EPHA3: variants seen among roughly 807,000 people sequenced by gnomAD.
EPHA3 encodes ephrin type-A receptor 3.
In EPHA3, 42 loss-of-function variants were observed where a neutral mutation model predicts 107.1. The ratio of observed to expected loss-of-function variants is 0.39; its 90% CI spans 0.31 to 0.51. EPHA3 has a LOEUF of 0.51. EPHA3 is among the 20% of genes least tolerant of loss of function. The pLI is 0.78. For missense variants in EPHA3, 1,183 were observed against 1,211.2 expected, an observed-to-expected ratio of 0.98 and a Z score of 0.35; for synonymous variants, 461 against 424.8, an observed-to-expected ratio of 1.09 and a Z score of -1.05.
chr3:89,175,404 C>G (rs1353691678), intron 2 of EPHA3, among the ~76,000 whole-genome samples: 2 of 152,076 alleles, frequency 1.3e-5, no homozygotes, highest in African/African-American at 4.8e-5. Flanking sequence ...TAACTTTCAA[C>G]TATTCATTTA....
chr3:89,251,383 A>C (rs1705164274), intron 3 of EPHA3, among the ~76,000 whole-genome samples: 1 of 152,228 alleles, frequency 6.6e-6, no homozygotes, highest in Admixed American at 6.5e-5. Context: ...AAAGTGATAA[A>C]TGTATCAATC....
At chr3:89,128,803 C>T (rs1173566428) in intron 2 of EPHA3, among the ~76,000 whole-genome samples, 1 of 151,778 alleles carries the variant, frequency 6.6e-6, no homozygotes, top group African/African-American at 2.4e-5. Context: ...CAGCAACAGT[C>T]TGGCTTATGT....
At chr3:89,208,460 A>AAGAAAGAAAGAAAGAAAGAAAGAAAG (rs1559600853) in intron 2 of EPHA3, among the ~76,000 whole-genome samples, 3 of 104,998 alleles carry the variant, frequency 2.9e-5, no homozygotes, top group Admixed American at 8.6e-5. Flanking sequence ...GAAAGAAAGA[A>AAGAAAGAAAGAAAGAAAGAAAGAAAG]AGAAAGAAAG....
chr3:89,133,014 G>A (rs917282564), intron 2 of EPHA3, among the ~76,000 whole-genome samples: 1 of 152,152 alleles, frequency 6.6e-6, no homozygotes, highest in Non-Finnish European at 1.5e-5. Flanking sequence ...ATATTTCTAT[G>A]CATCTAAGAA....
rs150652547 is a variant in EPHA3 at position 89,163,285 on chromosome 3, A to G, written c.153+36012A>G. On this transcript the variant is annotated intron_variant, in intron 2 of 16. Coordinates refer to ENST00000336596, the MANE Select transcript of EPHA3 (RefSeq NM_005233.6). ...CCTAGTACATAGTGAGCATTTAGCA[A>G]TGATGACTTATTTTTAATGAGTAAT... Among the ~76,000 whole-genome samples the G allele has an allele frequency of 3.4e-3, 512 of 152,258 alleles. 2 individuals carry two copies. The highest frequency in any genetic ancestry group is 4.6e-3 in the Non-Finnish European group (311 of 68,024).
intron 3 of EPHA3, among the ~76,000 whole-genome samples, chr3:89,316,047 G>T (rs557493488): frequency 6.6e-6 from 1 of 151,694 alleles, no homozygotes; most frequent in East Asian, 1.9e-4. Flanking sequence ...AATGTAAAAG[G>T]CACTCCTTGA....
At chr3:89,144,456 T>A (rs1417757676) in intron 2 of EPHA3, among the ~76,000 whole-genome samples, 1 of 151,780 alleles carries the variant, frequency 6.6e-6, no homozygotes, top group Non-Finnish European at 1.5e-5. Flanking sequence ...CTTGTGTGCC[T>A]TCCATTTTGT....
intron 7 of EPHA3, among the ~76,000 whole-genome samples, chr3:89,404,599 A>G (rs774010359): frequency 3.3e-5 from 5 of 152,206 alleles, no homozygotes; most frequent in Non-Finnish European, 5.9e-5. Flanking sequence ...TTAGACACCT[A>G]TGTAACTCAT....
intron 5 of EPHA3, among the ~76,000 whole-genome samples, chr3:89,365,400 C>T (rs1345315598): frequency 1.3e-5 from 2 of 150,482 alleles, no homozygotes; most frequent in Non-Finnish European, 3.0e-5. Flanking sequence ...TGGACACACA[C>T]TTACATTTCC....
intron 2 of EPHA3, among the ~76,000 whole-genome samples, chr3:89,197,388 T>G (rs1705860418): frequency 6.7e-6 from 1 of 149,374 alleles, no homozygotes; most frequent in Admixed American, 6.7e-5. Flanking sequence ...CTTAACATAC[T>G]GCCTGGTATG....
intron 3 of EPHA3, among the ~76,000 whole-genome samples, chr3:89,249,884 A>G (rs1182696026): frequency 2.6e-5 from 4 of 152,208 alleles, no homozygotes; most frequent in Non-Finnish European, 5.9e-5. Flanking sequence ...TTACTATAAC[A>G]ACCACAAGAT....
chr3:89,323,511 A>G (rs1322184708), intron 3 of EPHA3, among the ~76,000 whole-genome samples: 1 of 152,112 alleles, frequency 6.6e-6, no homozygotes, highest in Non-Finnish European at 1.5e-5. Flanking sequence ...TGTTGGTCCA[A>G]TAGTCATGAC....
intron 2 of EPHA3, among the ~76,000 whole-genome samples, chr3:89,203,125 G>A (rs1706011384): frequency 6.6e-6 from 1 of 152,022 alleles, no homozygotes; most frequent in South Asian, 2.1e-4. Flanking sequence ...TGATATTGGA[G>A]CATCCTATCA....
chr3:89,387,821 A>G (rs1162298634), intron 5 of EPHA3, among the ~76,000 whole-genome samples: 1 of 152,098 alleles, frequency 6.6e-6, no homozygotes, highest in South Asian at 2.1e-4. Context: ...CTTTTTTAAA[A>G]TTTTTTATTT....
chr3:89,133,623 A>G (rs1229976025), intron 2 of EPHA3, among the ~76,000 whole-genome samples: 1 of 152,260 alleles, frequency 6.6e-6, no homozygotes, highest in South Asian at 2.1e-4. Context: ...AGGCAAAACT[A>G]TGTAGCCCAA....
intron 11 of EPHA3, among the ~76,000 whole-genome samples, chr3:89,426,448 C>T (rs542256495): frequency 5.9e-5 from 9 of 151,864 alleles, no homozygotes; most frequent in Admixed American, 5.3e-4. Flanking sequence ...AATCTTTGAA[C>T]GTAATGCAAA....
intron 2 of EPHA3, among the ~76,000 whole-genome samples, chr3:89,184,102 T>G (rs1705505761): frequency 6.6e-6 from 1 of 152,018 alleles, no homozygotes; most frequent in Admixed American, 6.6e-5. Flanking sequence ...ATTCTTCAAA[T>G]GTTTCAGGGA....
chr3:89,276,045 C>A (rs1705797446), intron 3 of EPHA3, among the ~76,000 whole-genome samples: 1 of 151,986 alleles, frequency 6.6e-6, no homozygotes, highest in African/African-American at 2.4e-5. Flanking sequence ...GGAGAAAAAG[C>A]AGAGGTAGAA....
At chr3:89,311,834 T>C (rs1706773035) in intron 3 of EPHA3, among the ~76,000 whole-genome samples, 1 of 152,050 alleles carries the variant, frequency 6.6e-6, no homozygotes. Context: ...ACTTCGGAGC[T>C]GGCAATATAA....
Sources: allele counts gnomAD v4.1 joint callset (sites outside exome capture counted in the v4.1 genomes callset), GRCh38; gene constraint gnomAD v4.1.1; transcripts MANE v1.5; gene names NCBI Gene and HGNC (gene_info 2026-07-23, HGNC 2026-07-21).